DOCK4: variants seen among roughly 807,000 people sequenced by gnomAD.
DOCK4 encodes dedicator of cytokinesis 4, also known as dedicator of cytokinesis protein 4.
A neutral mutation model predicts 268.1 loss-of-function variants in DOCK4; 97 were observed. That is an observed-to-expected ratio of 0.36 (90% CI 0.31 to 0.43). The LOEUF (loss-of-function observed/expected upper bound fraction) is 0.43. Among genes scored for constraint, DOCK4 ranks in the 20% least tolerant of loss-of-function variants. DOCK4 has a pLI of 1.00. For synonymous variants in DOCK4, 954 were observed against 887.2 expected (o/e 1.08, Z -1.34); for missense variants, 2,145 against 2,455.7 (o/e 0.87, Z 2.67).
chr7:112,124,912 C>T (rs978620995), intron 1 of DOCK4, among the ~76,000 whole-genome samples: 1 of 152,092 alleles, frequency 6.6e-6, no homozygotes, highest in African/African-American at 2.4e-5. Flanking sequence ...TATTCATGTG[C>T]TAAGAACTAA....
chr7:112,020,893 G>A (rs1376870494), intron 1 of DOCK4, among the ~76,000 whole-genome samples: 2 of 152,046 alleles, frequency 1.3e-5, no homozygotes, highest in African/African-American at 4.8e-5. Context: ...ATTTCATTTG[G>A]GATTTCTCAG....
At chr7:112,182,585 T>C (rs551950370) in intron 1 of DOCK4, among the ~76,000 whole-genome samples, 1 of 152,322 alleles carries the variant, frequency 6.6e-6, no homozygotes, top group South Asian at 2.1e-4. Flanking sequence ...ATGTATTAAT[T>C]GTGTGTGTGA....
intron 12 of DOCK4, among the ~76,000 whole-genome samples, chr7:111,931,546 C>A (rs972258967): frequency 3.3e-5 from 5 of 152,024 alleles, no homozygotes; most frequent in African/African-American, 1.2e-4. Context: ...AGAAGGCCAA[C>A]AATTAAGTTA....
intron 12 of DOCK4, among the ~76,000 whole-genome samples, chr7:111,932,575 G>C (rs1026685601): frequency 1.3e-5 from 2 of 151,682 alleles, no homozygotes; most frequent in South Asian, 2.1e-4. Flanking sequence ...TGTGAATCAT[G>C]AATGAAATTT....
intron 11 of DOCK4, among the ~76,000 whole-genome samples, chr7:111,936,037 C>T (rs1794713354): frequency 6.6e-6 from 1 of 152,142 alleles, no homozygotes; most frequent in African/African-American, 2.4e-5. Flanking sequence ...CTATGAAACA[C>T]AGATAATATA....
At chr7:111,801,045 C>T (rs1262000574) in intron 30 of DOCK4, among the ~76,000 whole-genome samples, 1 of 152,144 alleles carries the variant, frequency 6.6e-6, no homozygotes, top group Non-Finnish European at 1.5e-5. Flanking sequence ...CTTTGATATG[C>T]AAATGCCAGT....
At chr7:111,889,215 A>G (rs1009519123) in intron 16 of DOCK4, among the ~76,000 whole-genome samples, 1 of 152,104 alleles carries the variant, frequency 6.6e-6, no homozygotes, top group East Asian at 1.9e-4. Context: ...AATGTTGCAG[A>G]TGTTTTTTAA....
At chr7:112,026,069 T>C (rs907749135) in intron 1 of DOCK4, among the ~76,000 whole-genome samples, 2 of 152,344 alleles carry the variant, frequency 1.3e-5, no homozygotes, top group East Asian at 1.9e-4. Flanking sequence ...ACTAGTATAT[T>C]ATCAAACACA....
intron 1 of DOCK4, among the ~76,000 whole-genome samples, chr7:112,074,870 T>C (rs1807921753): frequency 6.6e-6 from 1 of 152,196 alleles, no homozygotes; most frequent in Admixed American, 6.5e-5. Flanking sequence ...AGTATTCTCT[T>C]CTCAGAGATC....
chr7:111,834,268 T>C (rs552467619), intron 26 of DOCK4, among the ~76,000 whole-genome samples: 2 of 152,356 alleles, frequency 1.3e-5, no homozygotes, highest in South Asian at 4.1e-4. Context: ...TAAGGCAATG[T>C]TTCTAGGTTC....
chr7:111,962,901 T>A (rs1797042522), intron 8 of DOCK4, among the ~76,000 whole-genome samples: 1 of 152,144 alleles, frequency 6.6e-6, no homozygotes, highest in South Asian at 2.1e-4. Flanking sequence ...GATAACACTT[T>A]TTCCAGAAGT....
intron 1 of DOCK4, among the ~76,000 whole-genome samples, chr7:112,108,087 CA>C: frequency 6.6e-6 from 1 of 152,142 alleles, no homozygotes; most frequent in Non-Finnish European, 1.5e-5. Context: ...AAGAAAAACA[CA>C]CACAAAAGTT....
intron 1 of DOCK4, among the ~76,000 whole-genome samples, chr7:112,130,304 C>G (rs1003528420): frequency 6.6e-6 from 1 of 152,144 alleles, no homozygotes; most frequent in Non-Finnish European, 1.5e-5. Context: ...GTCCCTGGTG[C>G]CATCTGACAG....
intron 1 of DOCK4, among the ~76,000 whole-genome samples, chr7:112,028,021 A>T (rs1802958695): frequency 6.6e-6 from 1 of 152,228 alleles, no homozygotes; most frequent in African/African-American, 2.4e-5. Flanking sequence ...TGGGAGAGAG[A>T]CAATAAAGCC....
At chr7:111,846,934 T>C in intron 24 of DOCK4, 65 bp downstream of exon 24, 1 of 1,536,384 alleles carries the variant, frequency 6.5e-7, no homozygotes, top group Non-Finnish European at 8.8e-7. Context: ...CTTTGTAGAC[T>C]ATTACAAGTT....
chr7:111,805,424 A>G (rs572354096), intron 30 of DOCK4, among the ~76,000 whole-genome samples: 1 of 152,370 alleles, frequency 6.6e-6, no homozygotes, highest in South Asian at 2.1e-4. Flanking sequence ...AGCACATTTA[A>G]TACTACAGAC....
chr7:111,913,147 T>C (rs1792271354), intron 13 of DOCK4, among the ~76,000 whole-genome samples: 1 of 151,700 alleles, frequency 6.6e-6, no homozygotes, highest in Admixed American at 6.6e-5. Context: ...GTATTTTTAG[T>C]AGAGACGGGG....
rs369879181 is a variant in DOCK4, at chr7:111,727,988, TA to T, written c.*285del. ...GTATTGGTTTTAAGATTAAACTATATAAAAAAAAGTGAACATAAAAAGGTAC... is the reference window on the plus strand; with the variant it reads ...GTATTGGTTTTAAGATTAAACTATATAAAAAAAGTGAACATAAAAAGGTAC... On this transcript the variant is annotated 3_prime_UTR_variant, in exon 53 of 53. Coordinates refer to ENST00000428084, the MANE Select transcript of DOCK4 (RefSeq NM_001363540.2). 1.6e-3 allele frequency: 509 copies of T among 327,934 alleles called. 2 individuals carry two copies. Among genetic ancestry groups the T allele is most frequent in the African/African-American group, 5.2e-3 (243 of 47,108 alleles). The allele number at this position is 327,934 out of a possible 1,614,324, so 20.3% of individuals were successfully genotyped here.
rs553251629 is a variant in DOCK4, at chr7:112,206,011, G to T, written c.37+91C>A. 9.1e-6 allele frequency: 13 copies of T among 1,424,168 alleles called. No homozygotes were observed. The East Asian group carries it at 1.0e-4, about 11-fold the overall frequency. 88.2% of individuals were successfully genotyped at this position (1,424,168 alleles called of 1,614,324 possible). ...ATGCCAGGATTAGGCATTTTCAACC[G>T]GGCGGAGCGAGAGGGGCGCGGGGGC... On this transcript the variant is annotated intron_variant, in intron 1 of 52. Transcript: ENST00000428084.
Sources: gnomAD v4.1 joint callset for allele counts (sites outside exome capture counted in the v4.1 genomes callset) on GRCh38, gnomAD v4.1.1 for gene constraint, MANE v1.5 for transcripts, NCBI Gene and HGNC (gene_info 2026-07-23, HGNC 2026-07-21) for gene names.